The following CCSER2 variants were observed in gnomAD, a reference collection of about 807,000 sequenced individuals.
The protein encoded by CCSER2 is serine-rich coiled-coil domain-containing protein 2.
In CCSER2, 46 loss-of-function variants were observed where a neutral mutation model predicts 92.3. The ratio of observed to expected loss-of-function variants is 0.50; its 90% CI spans 0.39 to 0.64. The LOEUF (loss-of-function observed/expected upper bound fraction) is 0.64. CCSER2 is among the 30% of genes least tolerant of loss of function. CCSER2 has a pLI of 0.00. For missense variants in CCSER2, 1,244 were observed against 1,238.9 expected (o/e 1.00, Z -0.06); for synonymous variants, 433 against 431.4 (o/e 1.00, Z -0.04).
chr10:84,356,931 G>A (rs956341236), intron 1 of CCSER2, among the ~76,000 whole-genome samples: 2 of 152,146 alleles, frequency 1.3e-5, no homozygotes, highest in Non-Finnish European at 2.9e-5. Context: ...AAAATACCTA[G>A]CAAGACACTG....
At chr10:84,506,907 G>T (rs373706640) in intron 9 of CCSER2, among the ~76,000 whole-genome samples, 3 of 151,994 alleles carry the variant, frequency 2.0e-5, no homozygotes, top group East Asian at 3.8e-4. Flanking sequence ...TTCATAAGAG[G>T]TTACTTGGGA....
intron 3 of CCSER2, among the ~76,000 whole-genome samples, chr10:84,404,546 A>T (rs1441817738): frequency 6.6e-6 from 1 of 152,190 alleles, no homozygotes; most frequent in Non-Finnish European, 1.5e-5. Flanking sequence ...CTTGTTTAGG[A>T]CAAACCTGGT....
chr10:84,448,512 T>C (rs926076918), intron 6 of CCSER2, among the ~76,000 whole-genome samples: 2 of 152,122 alleles, frequency 1.3e-5, no homozygotes, highest in African/African-American at 4.8e-5. Context: ...CCTATTTTGC[T>C]CTGACTTACC....
At chr10:84,408,302 C>G (rs1181160214) in intron 3 of CCSER2, among the ~76,000 whole-genome samples, 4 of 152,052 alleles carry the variant, frequency 2.6e-5, no homozygotes, top group African/African-American at 9.7e-5. Flanking sequence ...CATATGTAAT[C>G]TGCTTATTTT....
intron 6 of CCSER2, among the ~76,000 whole-genome samples, chr10:84,447,071 A>G (rs1028469338): frequency 2.0e-5 from 3 of 150,694 alleles, no homozygotes; most frequent in Non-Finnish European, 4.4e-5. Context: ...TCCTATGAAC[A>G]TTTTCCCGGT....
intron 8 of CCSER2, among the ~76,000 whole-genome samples, chr10:84,470,662 C>T (rs1346749557): frequency 6.6e-6 from 1 of 151,978 alleles, no homozygotes; most frequent in Non-Finnish European, 1.5e-5. Context: ...TTGGAAAATT[C>T]TTCATTGATT....
chr10:84,379,320 C>T (rs939953193), intron 3 of CCSER2, among the ~76,000 whole-genome samples: 1 of 151,366 alleles, frequency 6.6e-6, no homozygotes, highest in Non-Finnish European at 1.5e-5. Context: ...TTGGTGTTTC[C>T]TCTCTTTTTC....
At chr10:84,428,659 G>A (rs1163321469) in intron 5 of CCSER2, among the ~76,000 whole-genome samples, 2 of 152,140 alleles carry the variant, frequency 1.3e-5, no homozygotes, top group Admixed American at 6.5e-5. Flanking sequence ...AGTGGTGAAA[G>A]CCAATAGGTG....
At chr10:84,430,310 T>G (rs544878145) in intron 5 of CCSER2, among the ~76,000 whole-genome samples, 1 of 152,170 alleles carries the variant, frequency 6.6e-6, no homozygotes, top group African/African-American at 2.4e-5. Flanking sequence ...AGCCTATACA[T>G]GTATATGTTC....
chr10:84,449,345 A>C (rs528811508), intron 6 of CCSER2, among the ~76,000 whole-genome samples: 35 of 152,194 alleles, frequency 2.3e-4, no homozygotes, highest in Non-Finnish European at 4.1e-4. Context: ...AGTGCACTCC[A>C]GCCTGGGCAA....
At chr10:84,369,993 C>T (rs1845979111) in intron 1 of CCSER2, among the ~76,000 whole-genome samples, 1 of 152,042 alleles carries the variant, frequency 6.6e-6, no homozygotes, top group African/African-American at 2.4e-5. Flanking sequence ...CTACTCTGTT[C>T]CTTTGCTCTA....
chr10:84,474,618 G>A (rs540925521), intron 8 of CCSER2, among the ~76,000 whole-genome samples: 76 of 145,606 alleles, frequency 5.2e-4, no homozygotes, highest in Non-Finnish European at 8.9e-4. Context: ...CCAAGATCGC[G>A]TGCCACTGCA....
At chr10:84,413,387 C>T (rs995604727) in intron 3 of CCSER2, among the ~76,000 whole-genome samples, 4 of 152,094 alleles carry the variant, frequency 2.6e-5, no homozygotes, top group Non-Finnish European at 5.9e-5. Context: ...TGATTTCTGC[C>T]TTACTTTCAT....
chr10:84,485,597 A>T (rs1445857870), intron 9 of CCSER2, among the ~76,000 whole-genome samples: 1 of 152,202 alleles, frequency 6.6e-6, no homozygotes. Context: ...ATATGGGTGT[A>T]CCACAGTTTA....
At chr10:84,481,119 T>A (rs1201796476) in intron 9 of CCSER2, among the ~76,000 whole-genome samples, 2 of 152,068 alleles carry the variant, frequency 1.3e-5, no homozygotes, top group Non-Finnish European at 2.9e-5. Flanking sequence ...ATGTCATTAG[T>A]TTATTTAAAA....
At chr10:84,379,858 G>A (rs1840799636) in intron 3 of CCSER2, among the ~76,000 whole-genome samples, 1 of 151,912 alleles carries the variant, frequency 6.6e-6, no homozygotes, top group Non-Finnish European at 1.5e-5. Context: ...TCTGTCATTT[G>A]AATATACCTG....
intron 3 of CCSER2, among the ~76,000 whole-genome samples, chr10:84,377,645 A>G (rs1233467728): frequency 1.3e-5 from 2 of 152,194 alleles, no homozygotes; most frequent in South Asian, 2.1e-4. Context: ...AAATATTAGA[A>G]TGAGCTTGTC....
intron 1 of CCSER2, among the ~76,000 whole-genome samples, chr10:84,350,455 A>G (rs886253040): frequency 3.3e-5 from 5 of 152,016 alleles, no homozygotes; most frequent in African/African-American, 1.2e-4. Context: ...TGTTCTGTGC[A>G]TTTTTGTATA....
chr10:84,348,322 C>T (rs554338825), intron 1 of CCSER2, among the ~76,000 whole-genome samples: 3 of 152,232 alleles, frequency 2.0e-5, no homozygotes, highest in African/African-American at 7.2e-5. Context: ...CGTGGCGGCA[C>T]GCGCCTGCAA....
Sources: allele counts gnomAD v4.1 joint callset (sites outside exome capture counted in the v4.1 genomes callset), GRCh38; gene constraint gnomAD v4.1.1; transcripts MANE v1.5; gene names NCBI Gene and HGNC (gene_info 2026-07-23, HGNC 2026-07-21).